Variants in PFKFB3 observed in about 807,000 individuals in gnomAD.
PFKFB3 encodes the protein 6-phosphofructo-2-kinase/fructose-2,6-biphosphatase 3.
In PFKFB3, 33 loss-of-function variants were observed where a neutral mutation model predicts 68.0. That is an observed-to-expected ratio of 0.49 (90% CI 0.37 to 0.65). PFKFB3 has a LOEUF of 0.65. Ranked by LOEUF, PFKFB3 falls within the 30% of genes least tolerant of loss-of-function variation. The pLI, the probability that PFKFB3 is intolerant of heterozygous loss-of-function variation, is 0.00. For synonymous variants in PFKFB3, 315 were observed against 288.2 expected, an observed-to-expected ratio of 1.09 and a Z score of -0.94; for missense variants, 586 against 712.2, an observed-to-expected ratio of 0.82 and a Z score of 2.02.
chr10:6,231,356 A>G, intron 14 of PFKFB3: 19 of 1,611,436 alleles, frequency 1.2e-5, no homozygotes, highest in Non-Finnish European at 1.6e-5. Flanking sequence ...GCACCGCGTC[A>G]CGGCATCTGG....
At chr10:6,182,019 C>G (rs1170792738) in intron 1 of PFKFB3, among the ~76,000 whole-genome samples, 1 of 152,006 alleles carries the variant, frequency 6.6e-6, no homozygotes, top group Non-Finnish European at 1.5e-5. Flanking sequence ...TGTGATTGTG[C>G]TTACTGCCCT....
the PFKFB3 span, among the ~76,000 whole-genome samples, chr10:6,312,426 C>G: frequency 6.6e-6 from 1 of 152,140 alleles, no homozygotes; most frequent in East Asian, 1.9e-4. Context: ...AATGAAATAC[C>G]TACTGTCAGC....
intron 1 of PFKFB3, among the ~76,000 whole-genome samples, chr10:6,204,815 T>G (rs1843578930): frequency 6.6e-6 from 1 of 152,260 alleles, no homozygotes; most frequent in Non-Finnish European, 1.5e-5. Context: ...AAGTATTATC[T>G]CTATAGCACT....
At chr10:6,254,230 C>G (rs1846451926) in exon 15 of PFKFB3, 10 of 398,470 alleles carry the variant, frequency 2.5e-5, no homozygotes, top group Admixed American at 4.4e-5. Flanking sequence ...GTCCAGCCCC[C>G]TGAAGGGCAG....
At position 6,220,547 on chromosome 10, in the gene PFKFB3, C is replaced by T. The variant is rs1844880829; in HGVS notation, c.624-111C>T. On this transcript the variant is annotated intron_variant, in intron 7 of 14. Transcript: ENST00000379775. The surrounding 1 kb of genome is among the most constrained non-coding windows in gnomAD (Gnocchi z 4.1). ...GATTCAGTCTGTGCCCTGGAGGGGCCTACGGTCCCGCCTTGCTGTTCTCTG... is the reference window on the plus strand; with the variant it reads ...GATTCAGTCTGTGCCCTGGAGGGGCTTACGGTCCCGCCTTGCTGTTCTCTG... 1.1e-6 allele frequency: 1 copy of T among 942,818 alleles called. No homozygotes were observed. Among genetic ancestry groups the T allele is most frequent in the Admixed American group, 1.9e-5 (1 of 51,570 alleles). The allele number at this position is 942,818 out of a possible 1,614,324, so 58.4% of individuals were successfully genotyped here.
intron 14 of PFKFB3, among the ~76,000 whole-genome samples, chr10:6,244,805 T>C (rs920400967): frequency 1.1e-4 from 16 of 152,168 alleles, no homozygotes; most frequent in Non-Finnish European, 2.1e-4. Flanking sequence ...TAAATCAGGT[T>C]CATTCGTTCA....
chr10:6,258,852 C>G (rs1232739972), downstream of PFKFB3, among the ~76,000 whole-genome samples: 5 of 152,272 alleles, frequency 3.3e-5, no homozygotes, highest in Admixed American at 3.3e-4. Flanking sequence ...AATTCTTTCC[C>G]CTGGTCAGTA....
chr10:6,217,383 G>A (rs11818596), intron 6 of PFKFB3, among the ~76,000 whole-genome samples, 192 bp downstream of exon 6: 1,569 of 152,300 alleles, frequency 0.01, 30 homozygotes, highest in African/African-American at 0.035. Context: ...GTCCTGTGAG[G>A]GACTAGCTCC....
At chr10:6,231,901 C>T (rs922914630) in intron 14 of PFKFB3, among the ~76,000 whole-genome samples, 2 of 152,152 alleles carry the variant, frequency 1.3e-5, no homozygotes, top group African/African-American at 4.8e-5. Context: ...CCCATCACCT[C>T]CCGGTGGGCA....
chr10:6,177,419 T>TTC (rs1564599764), intron 1 of PFKFB3, among the ~76,000 whole-genome samples: 8 of 132,338 alleles, frequency 6.0e-5, no homozygotes, highest in Admixed American at 2.4e-4. Flanking sequence ...TTCTTTCTCT[T>TTC]TCTTCCTTTC....
chr10:6,311,509 G>A, the PFKFB3 span, among the ~76,000 whole-genome samples: 1 of 149,434 alleles, frequency 6.7e-6, no homozygotes, highest in Non-Finnish European at 1.5e-5. Context: ...AGCACTCTGG[G>A]AAGCTGGGGC....
chr10:6,295,665 T>C, the PFKFB3 span, among the ~76,000 whole-genome samples: 1 of 152,252 alleles, frequency 6.6e-6, no homozygotes, highest in Admixed American at 6.5e-5. Flanking sequence ...GTTGGGTGTT[T>C]CTCTTCCCCC....
intron 1 of PFKFB3, among the ~76,000 whole-genome samples, chr10:6,185,353 AG>A (rs1842840626): frequency 6.6e-6 from 1 of 152,264 alleles, no homozygotes; most frequent in African/African-American, 2.4e-5. Flanking sequence ...CAGGAGGGTT[AG>A]CCACTAAGCT....
chr10:6,236,648 C>T (rs1418051555), downstream of PFKFB3, among the ~76,000 whole-genome samples: 5 of 152,194 alleles, frequency 3.3e-5, no homozygotes, highest in South Asian at 2.1e-4. Flanking sequence ...CTCTGAGCCA[C>T]GTTTGATGGC....
Position 6,235,253 on chromosome 10 carries a change from C to G in PFKFB3, c.*2311C>G, listed in dbSNP as rs551377173. 14 of 152,760 alleles carry G rather than the reference C, an allele frequency of 9.2e-5. No individual in the cohort carries two copies. The highest frequency in any genetic ancestry group is 1.8e-4 in the Non-Finnish European group (12 of 68,016). The allele number at this position is 152,760 out of a possible 1,614,324, so 9.5% of individuals were successfully genotyped here. The stretch of plus-strand genomic sequence containing the variant: ...ACCAATGATATTTTTCTTTGTAATA[C>G]TTGAAATTTATTTTTTTATTATTTT... On this transcript the variant is annotated 3_prime_UTR_variant, in exon 15 of 15. Coordinates refer to ENST00000379775, the MANE Select transcript of PFKFB3 (RefSeq NM_004566.4).
chr10:6,249,897 G>T (rs1846343126), intron 14 of PFKFB3, among the ~76,000 whole-genome samples: 1 of 152,142 alleles, frequency 6.6e-6, no homozygotes, highest in Non-Finnish European at 1.5e-5. Flanking sequence ...GCTTGATTTA[G>T]TTATTCCACA....
intron 14 of PFKFB3, among the ~76,000 whole-genome samples, chr10:6,227,286 G>T (rs1845424337): frequency 2.0e-5 from 3 of 152,066 alleles, no homozygotes; most frequent in Admixed American, 2.0e-4. Context: ...TTAAATTCAG[G>T]TACCACCCAA....
intron 6 of PFKFB3, among the ~76,000 whole-genome samples, chr10:6,219,342 C>G (rs867435846): frequency 1.3e-5 from 2 of 152,214 alleles, no homozygotes; most frequent in Non-Finnish European, 2.9e-5. Flanking sequence ...TTTCCTGTCT[C>G]TGTCCTTCCG....
the PFKFB3 span, among the ~76,000 whole-genome samples, chr10:6,267,631 C>T: frequency 1.3e-5 from 2 of 152,146 alleles, no homozygotes; most frequent in Non-Finnish European, 2.9e-5. Context: ...ATCAAGGCAG[C>T]AAGCTTCACT....
Sources: gnomAD v4.1 joint callset for allele counts (sites outside exome capture counted in the v4.1 genomes callset) on GRCh38, gnomAD v4.1.1 for gene constraint, Gnocchi (gnomAD v3.1) non-coding constraint, MANE v1.5 for transcripts, NCBI Gene and HGNC (gene_info 2026-07-23, HGNC 2026-07-21) for gene names.